The following CTNND2 variants were observed in gnomAD, a reference collection of about 807,000 sequenced individuals.
CTNND2 encodes the protein catenin delta 2.
A neutral mutation model predicts 144.4 loss-of-function variants in CTNND2; 22 were observed. That is an observed-to-expected ratio of 0.15 (90% CI 0.11 to 0.22). The LOEUF (loss-of-function observed/expected upper bound fraction) is 0.22. CTNND2 is among the 10% of genes least tolerant of loss of function. The pLI is 1.00. For synonymous variants in CTNND2, 751 were observed against 695.6 expected, an observed-to-expected ratio of 1.08 and a Z score of -1.25; for missense variants, 1,353 against 1,618.8, an observed-to-expected ratio of 0.84 and a Z score of 2.82.
intron 3 of CTNND2, among the ~76,000 whole-genome samples, chr5:11,459,361 T>C (rs750838032): frequency 6.6e-6 from 1 of 152,204 alleles, no homozygotes; most frequent in Non-Finnish European, 1.5e-5. Context: ...CCACTTTATG[T>C]AGAAAAATAA....
intron 1 of CTNND2, among the ~76,000 whole-genome samples, chr5:11,807,176 T>G (rs1361108452): frequency 2.0e-5 from 3 of 152,198 alleles, no homozygotes; most frequent in Non-Finnish European, 4.4e-5. Flanking sequence ...TTCCTTCATT[T>G]CTTTCCACAC....
chr5:11,398,344 C>T (rs1273537095), intron 5 of CTNND2, among the ~76,000 whole-genome samples: 1 of 152,088 alleles, frequency 6.6e-6, no homozygotes, highest in Non-Finnish European at 1.5e-5. Context: ...TCGAATGAGA[C>T]ATGATGTGGA....
intron 1 of CTNND2, among the ~76,000 whole-genome samples, chr5:11,813,019 G>C (rs1320108547): frequency 6.6e-6 from 1 of 152,158 alleles, no homozygotes; most frequent in South Asian, 2.1e-4. Context: ...GTGTGTTTTA[G>C]AATCTTATTT....
chr5:11,649,399 C>A (rs1245360021), intron 2 of CTNND2, among the ~76,000 whole-genome samples: 1 of 152,138 alleles, frequency 6.6e-6, no homozygotes, highest in Non-Finnish European at 1.5e-5. Context: ...ATCACTGCAA[C>A]CTTTGCCTCC....
rs1242139277 is a variant in CTNND2 at position 11,364,901 on chromosome 5, T to C, written c.1178-11A>G. The C allele has an allele frequency of 6.2e-7, 1 of 1,607,570 alleles. No homozygotes were observed. Among genetic ancestry groups the C allele is most frequent in the South Asian group, 1.1e-5 (1 of 90,118 alleles). ...AGGCTCGGGAACCAGCTGAAATAAA[T>C]CAACAGAGGGACATCAAAGCTCAGG... is the stretch of plus-strand genomic sequence containing the variant. On this transcript the variant is annotated splice_polypyrimidine_tract_variant and intron_variant, in intron 7 of 21. Transcript: ENST00000304623.
At chr5:10,998,194 T>C (rs551559380) in intron 18 of CTNND2, among the ~76,000 whole-genome samples, 2 of 152,162 alleles carry the variant, frequency 1.3e-5, no homozygotes, top group Non-Finnish European at 2.9e-5. Flanking sequence ...TGCAGGTAAC[T>C]TGTCTGTATG....
chr5:11,386,745 G>A (rs1759125029), intron 6 of CTNND2, among the ~76,000 whole-genome samples: 1 of 152,194 alleles, frequency 6.6e-6, no homozygotes, highest in South Asian at 2.1e-4. Flanking sequence ...TTTGTTCAAT[G>A]TTGTGTCCCC....
At chr5:11,611,283 C>G (rs1438203886) in intron 2 of CTNND2, among the ~76,000 whole-genome samples, 1 of 152,158 alleles carries the variant, frequency 6.6e-6, no homozygotes, top group Non-Finnish European at 1.5e-5. Flanking sequence ...TAACCTCTTT[C>G]CTTTATAAAT....
intron 2 of CTNND2, among the ~76,000 whole-genome samples, chr5:11,608,377 CTTCT>C (rs934085562): frequency 6.6e-6 from 1 of 152,180 alleles, no homozygotes; most frequent in Non-Finnish European, 1.5e-5. Flanking sequence ...ACTTACTAGA[CTTCT>C]CTAAGTTCAC....
intron 1 of CTNND2, among the ~76,000 whole-genome samples, chr5:11,813,864 G>A (rs540990231): frequency 5.3e-5 from 8 of 152,222 alleles, no homozygotes; most frequent in Non-Finnish European, 8.8e-5. Flanking sequence ...TGAACAAGAC[G>A]TTAAAATGAT....
chr5:11,827,921 G>A (rs1793684247), intron 1 of CTNND2, among the ~76,000 whole-genome samples: 1 of 152,174 alleles, frequency 6.6e-6, no homozygotes, highest in Admixed American at 6.5e-5. Context: ...ATCATTTTAT[G>A]AGGCTCTTTA....
intron 11 of CTNND2, among the ~76,000 whole-genome samples, chr5:11,188,198 A>T (rs1352864867): frequency 6.6e-6 from 1 of 152,204 alleles, no homozygotes; most frequent in African/African-American, 2.4e-5. Flanking sequence ...ACATGAAATC[A>T]ACTCAAATGC....
chr5:11,387,326 G>A (rs1759194962), intron 6 of CTNND2, among the ~76,000 whole-genome samples: 1 of 152,098 alleles, frequency 6.6e-6, no homozygotes, highest in South Asian at 2.1e-4. Context: ...GAGGGGCTGA[G>A]GGATCTGGGT....
rs547364682 is a variant in CTNND2, at chr5:11,502,027, C to CAA, written c.287+62915_287+62916dup. Among the ~76,000 whole-genome samples the CAA allele has an allele frequency of 2.7e-3, 153 of 57,176 alleles. 4 individuals are homozygous for CAA. The highest frequency in any genetic ancestry group is 5.1e-3 in the African/African-American group (113 of 22,192). The allele number at this position is 57,176 out of a possible 152,430, so 37.5% of individuals were successfully genotyped here. A position where few individuals can be genotyped will look rare whatever the true frequency, so the allele number is the denominator to read the frequency against. On this transcript the variant is annotated intron_variant, in intron 3 of 21. Coordinates refer to ENST00000304623, the MANE Select transcript of CTNND2 (RefSeq NM_001332.4). Reference sequence around the variant, plus strand: ...TGGGTGACAGAGCGAGACTCCATCTCAAAAAAAAAAAAAAAAAAAAAAAAA... The same window carrying CAA: ...TGGGTGACAGAGCGAGACTCCATCTCAAAAAAAAAAAAAAAAAAAAAAAAAAA...
intron 3 of CTNND2, among the ~76,000 whole-genome samples, chr5:11,506,924 T>C (rs1198715172): frequency 6.6e-6 from 1 of 152,230 alleles, no homozygotes; most frequent in African/African-American, 2.4e-5. Context: ...ATGCGACTGG[T>C]AATCAATTTC....
intron 3 of CTNND2, among the ~76,000 whole-genome samples, chr5:11,530,650 T>G (rs31784): frequency 0.65 from 99,498 of 151,996 alleles, 32,807 homozygotes; most frequent in Admixed American, 0.7. Context: ...CTAGAATGTG[T>G]TATTTTCTGG....
At chr5:11,716,269 G>T (rs1218185811) in intron 2 of CTNND2, among the ~76,000 whole-genome samples, 1 of 152,118 alleles carries the variant, frequency 6.6e-6, no homozygotes, top group Non-Finnish European at 1.5e-5. Flanking sequence ...ACAACAAGAA[G>T]AGTAGCAATT....
At chr5:11,561,400 C>A (rs767323471) in intron 3 of CTNND2, among the ~76,000 whole-genome samples, 13 of 152,136 alleles carry the variant, frequency 8.5e-5, no homozygotes, top group Non-Finnish European at 1.8e-4. Context: ...ACAAAGTAAA[C>A]CTTTAGCTCT....
chr5:11,234,999 T>C (rs1741469147), intron 10 of CTNND2, among the ~76,000 whole-genome samples: 1 of 152,204 alleles, frequency 6.6e-6, no homozygotes, highest in Admixed American at 6.5e-5. Context: ...ATTTTGGACA[T>C]GCCTGGGAGC....
Sources: allele counts gnomAD v4.1 joint callset (sites outside exome capture counted in the v4.1 genomes callset), GRCh38; gene constraint gnomAD v4.1.1; transcripts MANE v1.5; gene names NCBI Gene and HGNC (gene_info 2026-07-23, HGNC 2026-07-21).